Variants in SHISA9 observed in about 807,000 individuals in gnomAD.
SHISA9 encodes protein shisa-9.
Under a neutral mutation model 38.0 loss-of-function variants are expected in SHISA9, and 13 were observed. The ratio of observed to expected loss-of-function variants is 0.34; its 90% CI spans 0.22 to 0.54. The LOEUF (loss-of-function observed/expected upper bound fraction) is 0.54, where lower values mean the gene tolerates loss of function less well. SHISA9 is among the 20% of genes least tolerant of loss of function. The pLI is 0.91. For synonymous variants in SHISA9, 275 were observed against 242.0 expected, an observed-to-expected ratio of 1.14 and a Z score of -1.27; for missense variants, 538 against 575.8, an observed-to-expected ratio of 0.93 and a Z score of 0.67.
intron 2 of SHISA9, among the ~76,000 whole-genome samples, chr16:13,104,045 G>A (rs751520137): frequency 1.3e-5 from 2 of 152,148 alleles, no homozygotes; most frequent in Non-Finnish European, 2.9e-5. Context: ...CAGGAGGCAT[G>A]CATGTGTCTG....
At chr16:12,978,667 T>G (rs1006360987) in intron 2 of SHISA9, among the ~76,000 whole-genome samples, 1 of 152,216 alleles carries the variant, frequency 6.6e-6, no homozygotes, top group Non-Finnish European at 1.5e-5. Context: ...CTCATCACCT[T>G]GGATGAGGAG....
intron 2 of SHISA9, among the ~76,000 whole-genome samples, chr16:13,042,889 G>A (rs1307609863): frequency 6.6e-6 from 1 of 152,140 alleles, no homozygotes; most frequent in Non-Finnish European, 1.5e-5. Context: ...AGCATCCCTG[G>A]CACACGGTAG....
At chr16:13,475,632 G>A in the SHISA9 span, among the ~76,000 whole-genome samples, 1 of 152,026 alleles carries the variant, frequency 6.6e-6, no homozygotes, top group Non-Finnish European at 1.5e-5. Context: ...AGGTTGTTGG[G>A]GGATGGTTTG....
the SHISA9 span, among the ~76,000 whole-genome samples, chr16:13,431,983 C>T: frequency 6.6e-6 from 1 of 152,316 alleles, no homozygotes; most frequent in East Asian, 1.9e-4. Context: ...ATCTCTTAAG[C>T]CCCGGAGGCA....
chr16:13,196,032 G>A (rs903384337), intron 2 of SHISA9, among the ~76,000 whole-genome samples: 3 of 139,076 alleles, frequency 2.2e-5, no homozygotes, highest in African/African-American at 5.4e-5. Flanking sequence ...AGGCTGCAGC[G>A]AGCTGAGATT....
rs148088145 is a variant in SHISA9, at chr16:13,200,409, A to AACAC, written c.692-2955_692-2952dup. On this transcript the variant is annotated intron_variant, in intron 2 of 4. Transcript: ENST00000558583. ...CTATCCACCAAAAAATATATCATGA[A>AACAC]ACACACACACACACACACACACACA... Among the ~76,000 whole-genome samples, 747 of 136,604 alleles carry AACAC rather than the reference A, an allele frequency of 5.5e-3. 4 individuals carry two copies. Among genetic ancestry groups the AACAC allele is most frequent in the South Asian group, 0.011 (45 of 4,262 alleles). The allele number at this position is 136,604 out of a possible 152,430, so 89.6% of individuals were successfully genotyped here.
chr16:13,324,605 C>A, the SHISA9 span, among the ~76,000 whole-genome samples: 1 of 152,066 alleles, frequency 6.6e-6, no homozygotes, highest in Non-Finnish European at 1.5e-5. Context: ...TAGCACAAAC[C>A]TCTTGACGAT....
chr16:13,172,556 A>C (rs1032168411), intron 2 of SHISA9, among the ~76,000 whole-genome samples: 2 of 152,070 alleles, frequency 1.3e-5, no homozygotes, highest in African/African-American at 4.8e-5. Context: ...AGGGCTCCTC[A>C]GTTTCTTTTT....
At chr16:13,284,306 A>G in the SHISA9 span, among the ~76,000 whole-genome samples, 1 of 152,090 alleles carries the variant, frequency 6.6e-6, no homozygotes, top group Non-Finnish European at 1.5e-5. Context: ...TGGCTTCCAT[A>G]TTTTGTCTAC....
At chr16:13,116,254 G>C (rs2074029933) in intron 2 of SHISA9, among the ~76,000 whole-genome samples, 1 of 152,124 alleles carries the variant, frequency 6.6e-6, no homozygotes, top group African/African-American at 2.4e-5. Context: ...CCTGGCATGG[G>C]GGCATTAGGA....
At chr16:13,130,383 A>T (rs979660716) in intron 2 of SHISA9, among the ~76,000 whole-genome samples, 7 of 152,086 alleles carry the variant, frequency 4.6e-5, no homozygotes, top group Non-Finnish European at 1.0e-4. Context: ...ATTCAAACTC[A>T]GGTGTGCTTC....
intron 2 of SHISA9, among the ~76,000 whole-genome samples, chr16:13,026,495 G>T (rs546708868): frequency 2.6e-5 from 4 of 152,096 alleles, no homozygotes; most frequent in African/African-American, 9.7e-5. Flanking sequence ...TGTCTGTGTC[G>T]TTTCTGTATC....
chr16:13,232,717 C>T (rs999703461), intron 4 of SHISA9, among the ~76,000 whole-genome samples: 3 of 152,124 alleles, frequency 2.0e-5, no homozygotes, highest in African/African-American at 4.8e-5. Flanking sequence ...AGCTTCAAGG[C>T]TATAGGTAAA....
At chr16:13,061,746 A>T (rs529820391) in intron 2 of SHISA9, among the ~76,000 whole-genome samples, 1 of 152,324 alleles carries the variant, frequency 6.6e-6, no homozygotes, top group East Asian at 1.9e-4. Context: ...GCAAATTGTG[A>T]TTTCTGCTGT....
chr16:13,428,200 TTGTG>T, the SHISA9 span, among the ~76,000 whole-genome samples: 1 of 74,072 alleles, frequency 1.4e-5, no homozygotes, highest in Admixed American at 2.0e-4. Flanking sequence ...TTTTTATTTG[TTGTG>T]GGTAATTTTC....
chr16:13,508,529 A>G, the SHISA9 span, among the ~76,000 whole-genome samples: 10 of 152,292 alleles, frequency 6.6e-5, no homozygotes, highest in Non-Finnish European at 1.5e-4. Flanking sequence ...TTATCTTTCC[A>G]GGGTGGGGTG....
chr16:13,534,313 C>T, the SHISA9 span, among the ~76,000 whole-genome samples: 112 of 151,348 alleles, frequency 7.4e-4, no homozygotes, highest in African/African-American at 2.6e-3. Context: ...CAACATTTAC[C>T]TCCTGGGCTT....
chr16:13,288,667 G>A, the SHISA9 span, among the ~76,000 whole-genome samples: 64 of 152,118 alleles, frequency 4.2e-4, no homozygotes, highest in African/African-American at 1.3e-3. Context: ...GGTCACATGC[G>A]CCTGTAATCC....
chr16:13,300,976 T>C, the SHISA9 span, among the ~76,000 whole-genome samples: 1 of 152,056 alleles, frequency 6.6e-6, no homozygotes, highest in Admixed American at 6.6e-5. Context: ...CACTCTCCTG[T>C]GACTCTTTTC....
Sources: allele counts gnomAD v4.1 joint callset (sites outside exome capture counted in the v4.1 genomes callset), GRCh38; gene constraint gnomAD v4.1.1; transcripts MANE v1.5; gene names NCBI Gene and HGNC (gene_info 2026-07-23, HGNC 2026-07-21).